VWA3B: variants seen among roughly 807,000 people sequenced by gnomAD.
VWA3B encodes the protein von Willebrand factor A domain containing 3B.
Under a neutral mutation model 158.3 loss-of-function variants are expected in VWA3B, and 138 were observed. The ratio of observed to expected loss-of-function variants is 0.87; its 90% CI spans 0.76 to 1.00. The LOEUF (loss-of-function observed/expected upper bound fraction) is 1.00. VWA3B is among the 50% of genes least tolerant of loss of function. VWA3B has a pLI of 0.00. For missense variants in VWA3B, 1,555 were observed against 1,565.1 expected (o/e 0.99, Z 0.11); for synonymous variants, 596 against 587.3 (o/e 1.01, Z -0.21).
intron 5 of VWA3B, among the ~76,000 whole-genome samples, chr2:98,127,196 G>T (rs1489823040): frequency 6.6e-6 from 1 of 152,220 alleles, no homozygotes; most frequent in Non-Finnish European, 1.5e-5. Flanking sequence ...TATAGGCCAG[G>T]TTGAGAGGAT....
At chr2:98,252,922 A>G (rs1246305109) in intron 20 of VWA3B, among the ~76,000 whole-genome samples, 2 of 152,196 alleles carry the variant, frequency 1.3e-5, no homozygotes, top group Non-Finnish European at 2.9e-5. Context: ...TATTAATTAT[A>G]TTAACATCAA....
chr2:98,090,951 T>C (rs1224470857), intron 1 of VWA3B, among the ~76,000 whole-genome samples: 1 of 150,228 alleles, frequency 6.7e-6, no homozygotes, highest in Non-Finnish European at 1.5e-5. Context: ...TAGAGATGAG[T>C]CCTCCACTAT....
At chr2:98,203,525 T>C (rs993708938) in intron 12 of VWA3B, among the ~76,000 whole-genome samples, 2 of 152,234 alleles carry the variant, frequency 1.3e-5, no homozygotes, top group Admixed American at 6.5e-5. Context: ...TTAGGAAGAA[T>C]TGGCATCTTT....
rs551729880 is a variant in VWA3B at position 98,190,533 on chromosome 2, A to G, written c.1467-2365A>G. 3.3e-5 allele frequency among the ~76,000 whole-genome samples: 5 copies of G among 152,174 alleles called. No homozygotes were observed. In the South Asian group the frequency reaches 1.0e-3, roughly 32 times the overall value. ...TTCCACCTGAAGAAGTTTCATTCATATTTCTGGTAGTGCAGGTCTATTGGT... is the reference window on the plus strand; with the variant it reads ...TTCCACCTGAAGAAGTTTCATTCATGTTTCTGGTAGTGCAGGTCTATTGGT... On this transcript the variant is annotated intron_variant, in intron 10 of 27. Transcript: ENST00000477737.
chr2:98,248,815 CTCTT>C (rs1317141303), intron 19 of VWA3B, among the ~76,000 whole-genome samples: 12 of 150,930 alleles, frequency 8.0e-5, no homozygotes, highest in South Asian at 4.2e-4. Flanking sequence ...GTCTCTCTTT[CTCTT>C]TCTTTTTCTT....
At chr2:98,178,698 T>TG (rs139721456) in intron 8 of VWA3B, among the ~76,000 whole-genome samples, 1 of 152,304 alleles carries the variant, frequency 6.6e-6, no homozygotes, top group Non-Finnish European at 1.5e-5. Context: ...TACAGTTGCC[T>TG]GGGGAGCTTT....
chr2:98,329,444 A>C, the VWA3B span, among the ~76,000 whole-genome samples: 1 of 152,204 alleles, frequency 6.6e-6, no homozygotes, highest in African/African-American at 2.4e-5. Context: ...TTATTTGATA[A>C]AGGACTGGTT....
intron 7 of VWA3B, among the ~76,000 whole-genome samples, chr2:98,137,913 C>G (rs1016240273): frequency 4.6e-5 from 7 of 152,090 alleles, no homozygotes; most frequent in Admixed American, 1.3e-4. Flanking sequence ...AAATTAAAAA[C>G]ATTCCTACTT....
intron 26 of VWA3B, among the ~76,000 whole-genome samples, chr2:98,311,117 G>T (rs1327531454): frequency 6.6e-6 from 1 of 152,160 alleles, no homozygotes; most frequent in African/African-American, 2.4e-5. Flanking sequence ...AAGAAAATAA[G>T]GTTTAACATT....
intron 19 of VWA3B, among the ~76,000 whole-genome samples, chr2:98,241,756 C>T (rs1686088274): frequency 6.6e-6 from 1 of 151,978 alleles, no homozygotes; most frequent in Admixed American, 6.5e-5. Context: ...TTGGTGCCTT[C>T]TGTGGCATTG....
At chr2:98,150,663 T>C (rs1326363839) in intron 7 of VWA3B, among the ~76,000 whole-genome samples, 2 of 152,232 alleles carry the variant, frequency 1.3e-5, no homozygotes, top group East Asian at 3.8e-4. Flanking sequence ...AGGCATACTC[T>C]TCTATTCCCA....
intron 7 of VWA3B, among the ~76,000 whole-genome samples, 199 bp from the exon 8 acceptor site, chr2:98,162,652 C>A (rs563785055): frequency 6.6e-6 from 1 of 152,302 alleles, no homozygotes; most frequent in East Asian, 1.9e-4. Context: ...CTAAAGTCTG[C>A]ATTTATGATT....
chr2:98,169,764 G>A (rs924100919), intron 8 of VWA3B, among the ~76,000 whole-genome samples: 12 of 124,146 alleles, frequency 9.7e-5, no homozygotes, highest in East Asian at 2.5e-4. Context: ...TGTGTGTGTC[G>A]GTGTGCCTGT....
chr2:98,317,389 G>A (rs551494146), downstream of VWA3B, among the ~76,000 whole-genome samples: 8 of 152,288 alleles, frequency 5.3e-5, no homozygotes, highest in East Asian at 3.9e-4. Context: ...AAAGTTTAAC[G>A]TGAAAGACTG....
chr2:98,139,692 G>A (rs1328126668), intron 7 of VWA3B, among the ~76,000 whole-genome samples: 1 of 152,050 alleles, frequency 6.6e-6, no homozygotes, highest in African/African-American at 2.4e-5. Flanking sequence ...TAGTGGGGAC[G>A]TGGAGAACCT....
chr2:98,225,847 T>G (rs955313429), intron 14 of VWA3B, among the ~76,000 whole-genome samples: 34 of 152,348 alleles, frequency 2.2e-4, no homozygotes, highest in African/African-American at 7.5e-4. Flanking sequence ...CAATTGAGTT[T>G]CAAATAAGAT....
chr2:98,243,121 G>T (rs1214384921), intron 19 of VWA3B, among the ~76,000 whole-genome samples: 2 of 151,746 alleles, frequency 1.3e-5, no homozygotes, highest in Non-Finnish European at 2.9e-5. Context: ...TTTGTTCTTT[G>T]TTTTTGTTTT....
At chr2:98,203,980 T>C (rs952087486) in intron 12 of VWA3B, among the ~76,000 whole-genome samples, 5 of 152,222 alleles carry the variant, frequency 3.3e-5, no homozygotes, top group Admixed American at 3.3e-4. Context: ...TATGTAGAAT[T>C]TACATTTTGT....
chr2:98,297,885 T>C, intron 23 of VWA3B, 22 bp from the exon 24 acceptor site: 1 of 1,466,068 alleles, frequency 6.8e-7, no homozygotes, highest in Non-Finnish European at 9.1e-7. Context: ...TTATATTTTA[T>C]GTTTTCTTTG....
Sources: gnomAD v4.1 joint callset for allele counts (sites outside exome capture counted in the v4.1 genomes callset) on GRCh38, gnomAD v4.1.1 for gene constraint, MANE v1.5 for transcripts, NCBI Gene and HGNC (gene_info 2026-07-23, HGNC 2026-07-21) for gene names.